Variants in GRIN2B observed in about 807,000 individuals in gnomAD.
GRIN2B encodes the protein glutamate ionotropic receptor NMDA type subunit 2B.
A neutral mutation model predicts 114.5 loss-of-function variants in GRIN2B; 5 were observed. That is an observed-to-expected ratio of 0.04 (90% confidence interval 0.02 to 0.09). GRIN2B has a LOEUF of 0.09. Among genes scored for constraint, GRIN2B ranks in the 10% least tolerant of loss-of-function variants. The pLI is 1.00. For missense variants in GRIN2B, 1,108 were observed against 1,943.5 expected (o/e 0.57, Z 8.08); for synonymous variants, 787 against 745.1 (o/e 1.06, Z -0.92).
At chr12:13,714,694 CA>C (rs1442271753) in intron 4 of GRIN2B, among the ~76,000 whole-genome samples, 1 of 151,828 alleles carries the variant, frequency 6.6e-6, no homozygotes, top group Non-Finnish European at 1.5e-5. Context: ...CTGAGAAGGT[CA>C]AATGTTCTGA....
At chr12:13,841,832 A>G (rs1348718864) in intron 3 of GRIN2B, among the ~76,000 whole-genome samples, 1 of 152,190 alleles carries the variant, frequency 6.6e-6, no homozygotes. Flanking sequence ...GAGATCATAT[A>G]TTTCTTAGTT....
chr12:13,586,613 T>C (rs1474382276), intron 10 of GRIN2B, among the ~76,000 whole-genome samples: 2 of 152,130 alleles, frequency 1.3e-5, no homozygotes, highest in East Asian at 1.9e-4. Context: ...GAAAGAACTT[T>C]ATAATTTAAG....
intron 3 of GRIN2B, among the ~76,000 whole-genome samples, chr12:13,846,649 A>G (rs1200869899): frequency 6.6e-6 from 1 of 152,232 alleles, no homozygotes; most frequent in African/African-American, 2.4e-5. Context: ...ATGCTTATAA[A>G]TAAATAAGAA....
intron 10 of GRIN2B, among the ~76,000 whole-genome samples, chr12:13,600,294 TGA>T (rs1949139359): frequency 6.6e-6 from 1 of 152,152 alleles, no homozygotes; most frequent in Non-Finnish European, 1.5e-5. Flanking sequence ...CACAAAAAGA[TGA>T]GTCTACTAAT....
At chr12:13,714,801 G>A (rs1398504632) in intron 4 of GRIN2B, among the ~76,000 whole-genome samples, 1 of 151,938 alleles carries the variant, frequency 6.6e-6, no homozygotes, top group Non-Finnish European at 1.5e-5. Flanking sequence ...CACAGATTGT[G>A]TAGTGGTCAA....
In GRIN2B at chr12:13,763,257, G is replaced by A. The variant is rs531139643; in HGVS notation, c.412-9342C>T. Among the ~76,000 whole-genome samples the A allele has an allele frequency of 2.6e-5, 4 of 152,160 alleles. No homozygotes were observed. In the South Asian group the frequency reaches 6.2e-4, roughly 24 times the overall value. On this transcript the variant is annotated intron_variant, in intron 3 of 13. Coordinates refer to ENST00000609686, the MANE Select transcript of GRIN2B (RefSeq NM_000834.5). Reference sequence around the variant, plus strand: ...GGATAGGCCAAGTACTGTCCTCACCGACACCATCTTCTAAAGCTGGCTGGG... The same window carrying A: ...GGATAGGCCAAGTACTGTCCTCACCAACACCATCTTCTAAAGCTGGCTGGG...
At chr12:13,765,429 C>T (rs1024499577) in intron 3 of GRIN2B, among the ~76,000 whole-genome samples, 2 of 152,210 alleles carry the variant, frequency 1.3e-5, no homozygotes, top group African/African-American at 4.8e-5. Flanking sequence ...TTACGTCCAT[C>T]GTGCTGCAGA....
chr12:13,869,830 A>G (rs185761203), intron 2 of GRIN2B, among the ~76,000 whole-genome samples: 1 of 152,360 alleles, frequency 6.6e-6, no homozygotes, highest in East Asian at 1.9e-4. Context: ...GTGCCTGAGG[A>G]TGGGCGAGTC....
At chr12:13,864,882 G>A (rs1476056038) in intron 3 of GRIN2B, among the ~76,000 whole-genome samples, 1 of 152,150 alleles carries the variant, frequency 6.6e-6, no homozygotes, top group Admixed American at 6.5e-5. Context: ...GAATCCCGAG[G>A]GGTGGGACTC....
rs973891808 is a variant in GRIN2B, at chr12:13,548,232, C to A, written c.*14551G>T. On this transcript the variant is annotated 3_prime_UTR_variant, in exon 14 of 14. Transcript: ENST00000609686. ...TAGGATAGCTAAGCACCCATGCCCC[C>A]TAAGGGATACTTGAAATAGGAAGAT... The A allele has an allele frequency of 1.3e-5, 2 of 151,760 alleles. No homozygotes were observed. Among genetic ancestry groups the A allele is most frequent in the African/African-American group, 2.4e-5 (1 of 41,330 alleles). The allele number at this position is 151,760 out of a possible 1,614,324, so 9.4% of individuals were successfully genotyped here.
At chr12:13,819,187 C>G (rs886143993) in intron 3 of GRIN2B, among the ~76,000 whole-genome samples, 7 of 152,080 alleles carry the variant, frequency 4.6e-5, no homozygotes, top group African/African-American at 1.7e-4. Flanking sequence ...GAAGAAAGAC[C>G]GTGTGAGTGA....
chr12:13,960,817 G>A (rs181869853), intron 2 of GRIN2B, among the ~76,000 whole-genome samples: 1 of 152,276 alleles, frequency 6.6e-6, no homozygotes, highest in East Asian at 1.9e-4. Context: ...TAGCTGTAAA[G>A]AACAAAACAA....
At chr12:13,734,855 A>G (rs1213268054) in intron 4 of GRIN2B, among the ~76,000 whole-genome samples, 1 of 152,204 alleles carries the variant, frequency 6.6e-6, no homozygotes, top group African/African-American at 2.4e-5. Flanking sequence ...TTCCAGGGAA[A>G]TTGAAAGAGA....
intron 2 of GRIN2B, among the ~76,000 whole-genome samples, chr12:13,913,853 G>C (rs994741413): frequency 1.3e-5 from 2 of 152,076 alleles, no homozygotes; most frequent in Admixed American, 6.5e-5. Context: ...CCAAACCTCA[G>C]TTTCCTCATC....
At chr12:13,928,100 C>T (rs2136820816) in intron 2 of GRIN2B, among the ~76,000 whole-genome samples, 1 of 151,536 alleles carries the variant, frequency 6.6e-6, no homozygotes, top group South Asian at 2.1e-4. Flanking sequence ...CACTTGAGGT[C>T]AGGAGTTTGA....
At chr12:13,802,917 G>A (rs1205749033) in intron 3 of GRIN2B, among the ~76,000 whole-genome samples, 2 of 152,038 alleles carry the variant, frequency 1.3e-5, no homozygotes, top group Non-Finnish European at 2.9e-5. Flanking sequence ...ACACAGGTTT[G>A]AACTGTGCAG....
intron 8 of GRIN2B, among the ~76,000 whole-genome samples, chr12:13,613,459 A>G (rs1342796059): frequency 2.6e-5 from 4 of 152,122 alleles, no homozygotes; most frequent in South Asian, 2.1e-4. Flanking sequence ...GTTCTTTCCA[A>G]TTCATACTCA....
intron 10 of GRIN2B, among the ~76,000 whole-genome samples, chr12:13,588,008 G>T (rs1232739839): frequency 6.6e-6 from 1 of 152,168 alleles, no homozygotes; most frequent in East Asian, 1.9e-4. Flanking sequence ...AAATTAGAGG[G>T]AAACAGACTC....
At position 13,891,622 on chromosome 12, in the gene GRIN2B, G is replaced by GA. The variant is rs35573365; in HGVS notation, c.-18-25397dup. Among the ~76,000 whole-genome samples, 613 of 151,276 alleles carry GA rather than the reference G, an allele frequency of 4.1e-3. 5 individuals are homozygous for GA. The highest frequency in any genetic ancestry group is 7.0e-3 in the Non-Finnish European group (473 of 67,788). ...AATGTGGCCACACAACCTTTCTAAT[G>GA]AAAAAAAAAATGCAGTTTACAAAGC... On this transcript the variant is annotated intron_variant, in intron 2 of 13. Coordinates refer to ENST00000609686, the MANE Select transcript of GRIN2B (RefSeq NM_000834.5).
Sources: gnomAD v4.1 joint callset for allele counts (sites outside exome capture counted in the v4.1 genomes callset) on GRCh38, gnomAD v4.1.1 for gene constraint, MANE v1.5 for transcripts, NCBI Gene and HGNC (gene_info 2026-07-23, HGNC 2026-07-21) for gene names.